GAS2: variants seen among roughly 807,000 people sequenced by gnomAD.
GAS2 encodes the protein growth arrest-specific protein 2.
A neutral mutation model predicts 37.5 loss-of-function variants in GAS2; 20 were observed. That is an observed-to-expected ratio of 0.53 (90% CI 0.37 to 0.77). The LOEUF (loss-of-function observed/expected upper bound fraction) is 0.77, where lower values mean the gene tolerates loss of function less well. Ranked by LOEUF, GAS2 falls within the 30% of genes least tolerant of loss-of-function variation. GAS2 has a pLI of 0.00. For synonymous variants in GAS2, 144 were observed against 132.2 expected (o/e 1.09, Z -0.61); for missense variants, 336 against 373.4 (o/e 0.90, Z 0.82).
chr11:22,730,761 G>A (rs1193064898), intron 4 of GAS2, among the ~76,000 whole-genome samples: 2 of 151,652 alleles, frequency 1.3e-5, no homozygotes, highest in Non-Finnish European at 3.0e-5. Flanking sequence ...TAGTTGTAGA[G>A]TTAAAAATAT....
chr11:22,760,137 A>AT (rs76734031), intron 7 of GAS2, among the ~76,000 whole-genome samples: 218 of 144,244 alleles, frequency 1.5e-3, no homozygotes, highest in African/African-American at 3.9e-3. Context: ...TTAATTTTTA[A>AT]TTTTTTTTTT....
chr11:22,718,503 G>A (rs550982831), intron 3 of GAS2, among the ~76,000 whole-genome samples: 4 of 151,598 alleles, frequency 2.6e-5, no homozygotes, highest in Non-Finnish European at 5.9e-5. Flanking sequence ...TGGACTATGG[G>A]GACTTTGGGG....
chr11:22,784,524 A>G (rs940882695), intron 7 of GAS2, among the ~76,000 whole-genome samples: 5 of 152,154 alleles, frequency 3.3e-5, no homozygotes, highest in African/African-American at 1.2e-4. Context: ...TGGATATAGA[A>G]ATAACTGCCT....
intron 1 of GAS2, among the ~76,000 whole-genome samples, chr11:22,656,757 T>C (rs564838562): frequency 2.6e-5 from 4 of 152,308 alleles, no homozygotes; most frequent in African/African-American, 9.6e-5. Flanking sequence ...ATATTGCTTA[T>C]TACTTTCTCA....
intron 5 of GAS2, among the ~76,000 whole-genome samples, chr11:22,744,086 C>A (rs540625165): frequency 1.3e-5 from 2 of 152,026 alleles, no homozygotes; most frequent in Non-Finnish European, 2.9e-5. Flanking sequence ...AAGATTGGAT[C>A]AGGAAAAAGT....
At chr11:22,750,355 C>G (rs1196412512) in intron 6 of GAS2, among the ~76,000 whole-genome samples, 1 of 152,052 alleles carries the variant, frequency 6.6e-6, no homozygotes, top group Non-Finnish European at 1.5e-5. Context: ...CTCCATGTGA[C>G]ACGATCAACT....
intron 3 of GAS2, among the ~76,000 whole-genome samples, chr11:22,724,932 C>A (rs1303451939): frequency 6.6e-6 from 1 of 151,774 alleles, no homozygotes; most frequent in Non-Finnish European, 1.5e-5. Flanking sequence ...TTTTTTATAA[C>A]CATCCTTGTA....
intron 3 of GAS2, among the ~76,000 whole-genome samples, chr11:22,724,107 T>C (rs1852078306): frequency 6.6e-6 from 1 of 151,990 alleles, no homozygotes; most frequent in Non-Finnish European, 1.5e-5. Context: ...TATCACAACA[T>C]ATTTACCTGC....
At chr11:22,695,640 C>A (rs958820929) in intron 3 of GAS2, among the ~76,000 whole-genome samples, 1 of 152,152 alleles carries the variant, frequency 6.6e-6, no homozygotes, top group East Asian at 1.9e-4. Flanking sequence ...AAATGCAAGT[C>A]ATATTATTCT....
At position 22,640,209 on chromosome 11, in the gene GAS2, T is replaced by C. The variant is rs569099991; in HGVS notation, c.-21+14396T>C. Reference sequence around the variant, plus strand: ...TTTCACAAATTTGAGATGTGTCTTTTTAGTTGCAGTGGGTGTGGCTTTAAG... The same window carrying C: ...TTTCACAAATTTGAGATGTGTCTTTCTAGTTGCAGTGGGTGTGGCTTTAAG... On this transcript the variant is annotated intron_variant, in intron 1 of 5. Coordinates refer to the GAS2 transcript ENST00000528582. Among the ~76,000 whole-genome samples the C allele has an allele frequency of 3.9e-4, 60 of 152,254 alleles. No homozygotes were observed. The South Asian group carries it at 0.012, about 32-fold the overall frequency.
At chr11:22,664,773 G>T (rs1369532331), upstream of GAS2, among the ~76,000 whole-genome samples, 1 of 151,730 alleles carries the variant, frequency 6.6e-6, no homozygotes, top group African/African-American at 2.4e-5. Context: ...TGAAAAACAA[G>T]ATAAAAATCA....
At chr11:22,648,744 A>G (rs1181205584) in intron 1 of GAS2, among the ~76,000 whole-genome samples, 1 of 152,180 alleles carries the variant, frequency 6.6e-6, no homozygotes, top group Non-Finnish European at 1.5e-5. Flanking sequence ...TTTGTGTATA[A>G]GAATGCTTGT....
At chr11:22,786,237 A>G (rs1398982465) in intron 7 of GAS2, among the ~76,000 whole-genome samples, 1 of 152,172 alleles carries the variant, frequency 6.6e-6, no homozygotes, top group Non-Finnish European at 1.5e-5. Context: ...TTGGATAAAA[A>G]AAAATTGTGA....
chr11:22,751,548 G>T (rs957429841), intron 6 of GAS2, among the ~76,000 whole-genome samples: 2 of 151,922 alleles, frequency 1.3e-5, no homozygotes, highest in African/African-American at 4.8e-5. Flanking sequence ...GCTAATTAAG[G>T]TTGAAACTTC....
At chr11:22,793,764 T>A (rs960572279) in intron 7 of GAS2, among the ~76,000 whole-genome samples, 2 of 152,212 alleles carry the variant, frequency 1.3e-5, no homozygotes, top group East Asian at 1.9e-4. Flanking sequence ...ATGATGGTTG[T>A]GTTTTGTGAT....
At position 22,642,446 on chromosome 11, in the gene GAS2, GAA is replaced by G. The variant is rs148211672; in HGVS notation, c.-21+16636_-21+16637del. Among the ~76,000 whole-genome samples, 1,086 of 152,192 alleles carry G rather than the reference GAA, an allele frequency of 7.1e-3. 10 individuals are homozygous for G. Among genetic ancestry groups the G allele is most frequent in the African/African-American group, 0.025 (1,026 of 41,534 alleles). On this transcript the variant is annotated intron_variant, in intron 1 of 5. Transcript: ENST00000528582. ...GACTGATGCCAGTAATTAGGAAAAA[GAA>G]AACAAAATTCATAGCAGAACATTGA...
chr11:22,682,527 A>T (rs182827028), intron 2 of GAS2, among the ~76,000 whole-genome samples: 1 of 152,192 alleles, frequency 6.6e-6, no homozygotes, highest in Non-Finnish European at 1.5e-5. Context: ...GAATAACATT[A>T]TAATTAAGAG....
chr11:22,767,359 T>TA (rs1261043513), intron 7 of GAS2, among the ~76,000 whole-genome samples: 2 of 152,088 alleles, frequency 1.3e-5, no homozygotes, highest in Non-Finnish European at 2.9e-5. Flanking sequence ...AGTTTTTTTT[T>TA]AAAAAACTTT....
chr11:22,782,766 CT>C (rs34122574), intron 7 of GAS2, among the ~76,000 whole-genome samples: 32,783 of 112,484 alleles, frequency 0.29, 2,815 homozygotes, highest in East Asian at 0.35. Context: ...TGATTTTGTT[CT>C]TTTTTTTTTT....
Sources: allele counts gnomAD v4.1 joint callset (sites outside exome capture counted in the v4.1 genomes callset), GRCh38; gene constraint gnomAD v4.1.1; transcripts MANE v1.5; gene names NCBI Gene and HGNC (gene_info 2026-07-23, HGNC 2026-07-21).